The following TXNDC5 variants were observed in gnomAD, a reference collection of about 807,000 sequenced individuals.
TXNDC5 encodes thioredoxin domain-containing protein 5.
TXNDC5 carries 44 observed loss-of-function variants against 52.6 expected under a neutral mutation model. The ratio of observed to expected loss-of-function variants is 0.84; its 90% CI spans 0.66 to 1.08. The LOEUF is 1.08. Ranked by LOEUF, TXNDC5 falls within the 50% of genes least tolerant of loss-of-function variation. The probability of loss-of-function intolerance (pLI) is 0.00; values close to 1 mark genes in which losing one functional copy is unlikely to be tolerated. For synonymous variants in TXNDC5, 241 were observed against 234.4 expected, an observed-to-expected ratio of 1.03 and a Z score of -0.26; for missense variants, 600 against 565.5, an observed-to-expected ratio of 1.06 and a Z score of -0.62.
At position 7,881,621 on chromosome 6, in the gene TXNDC5, T is replaced by TG. The variant is rs1759742452; in HGVS notation, c.*1522dup. The TG allele has an allele frequency of 3.1e-5, 3 of 98,238 alleles. 1 individual carries two copies. In the South Asian group the frequency reaches 7.9e-4, roughly 26 times the overall value. 6.1% of individuals were successfully genotyped at this position (98,238 alleles called of 1,614,324 possible). A position where few individuals can be genotyped will look rare whatever the true frequency, so the allele number is the denominator to read the frequency against. ...AAGACTCGTGATGCAAAGCTGAAGT[T>TG]GTGTGTACAAGACTCTTGACAGTTG... is the stretch of plus-strand genomic sequence containing the variant. On this transcript the variant is annotated 3_prime_UTR_variant, in exon 10 of 10. Transcript: ENST00000379757.
chr6:7,884,061 T>C lies in TXNDC5; in HGVS notation c.1176+298A>G, dbSNP rs911080025. Among the ~76,000 whole-genome samples, 4 of 152,212 alleles carry C rather than the reference T, an allele frequency of 2.6e-5. No homozygotes were observed. The East Asian group carries it at 7.7e-4, about 29-fold the overall frequency. ...ACTGGTCAATCATCAAGAGTCGCGG[T>C]GTGGGAAGCCCCACAGTCTATGGCG... On this transcript the variant is annotated intron_variant, in intron 9 of 9. Coordinates refer to ENST00000379757, the MANE Select transcript of TXNDC5 (RefSeq NM_030810.5).
At chr6:7,898,825 G>A (rs1160331396) in intron 3 of TXNDC5, among the ~76,000 whole-genome samples, 1 of 152,068 alleles carries the variant, frequency 6.6e-6, no homozygotes, top group Non-Finnish European at 1.5e-5. Context: ...GGGAGGGGGA[G>A]GATTATAAAT....
chr6:7,904,591 C>A lies in TXNDC5; in HGVS notation c.396G>T (p.Gly132=). 6.2e-7 allele frequency: 1 copy of A among 1,614,206 alleles called. No homozygotes were observed. Among genetic ancestry groups the A allele is most frequent in the Non-Finnish European group, 8.5e-7 (1 of 1,180,028 alleles). ...CAACTTACGTGGGGTATCCTCGCAC[C>A]CCCTGGGCGGAGCACACGTCGGAGT... is the stretch of plus-strand genomic sequence containing the variant. ...TAHSDVCSAQ[G]VRGYPTLKLF... The change falls in exon 2 of 10, where the codon GGG becomes GGT. Residue 132 remains glycine (G), a synonymous_variant. Coordinates refer to ENST00000379757, the MANE Select transcript of TXNDC5 (RefSeq NM_030810.5).
rs1287878151 is a variant in TXNDC5, at chr6:7,882,929, CCAT to C, written c.*212_*214del. ...GCCACTGAAAATGTTTACACAGTGA[CCAT>C]GAGTTACACATTTACTTAGAGAAAC... On this transcript the variant is annotated 3_prime_UTR_variant, in exon 10 of 10. Transcript: ENST00000379757. 3.6e-6 allele frequency: 2 copies of C among 553,634 alleles called. No individual in the cohort carries two copies. The highest frequency in any genetic ancestry group is 6.2e-6 in the Non-Finnish European group (2 of 323,578). The allele number at this position is 553,634 out of a possible 1,614,324, so 34.3% of individuals were successfully genotyped here. A position where few individuals can be genotyped will look rare whatever the true frequency, so the allele number is the denominator to read the frequency against.
intron 1 of TXNDC5, among the ~76,000 whole-genome samples, chr6:7,905,666 G>A (rs1322635734): frequency 6.6e-6 from 1 of 152,156 alleles, no homozygotes; most frequent in Non-Finnish European, 1.5e-5. Flanking sequence ...TGTCTACAGT[G>A]CCATACTCGA....
chr6:7,905,725 A>G (rs1433510490), intron 1 of TXNDC5, among the ~76,000 whole-genome samples: 1 of 152,192 alleles, frequency 6.6e-6, no homozygotes, highest in Non-Finnish European at 1.5e-5. Context: ...TTCAACTACA[A>G]TCCCATAGCA....
chr6:7,899,535 G>A lies in TXNDC5; in HGVS notation c.519+41C>T, dbSNP rs564360466. 4.2e-5 allele frequency: 46 copies of A among 1,088,080 alleles called. 2 individuals are homozygous for A. In the South Asian group the frequency reaches 7.3e-4, roughly 17 times the overall value. The allele number at this position is 1,088,080 out of a possible 1,614,324, so 67.4% of individuals were successfully genotyped here. On this transcript the variant is annotated intron_variant, in intron 3 of 9. Coordinates refer to ENST00000379757, the MANE Select transcript of TXNDC5 (RefSeq NM_030810.5). Reference sequence around the variant, plus strand: ...CCCCAAAGATGTAGGCAGGGAGAGAGGGAGGGAGGGAGGGAGGGAGGGAAG... The same window carrying A: ...CCCCAAAGATGTAGGCAGGGAGAGAAGGAGGGAGGGAGGGAGGGAGGGAAG...
chr6:7,884,057 G>A lies in TXNDC5; in HGVS notation c.1176+302C>T, dbSNP rs935881577. 5.3e-5 allele frequency among the ~76,000 whole-genome samples: 8 copies of A among 152,318 alleles called. No individual in the cohort carries two copies. In the South Asian group the frequency reaches 6.2e-4, roughly 12 times the overall value. On this transcript the variant is annotated intron_variant, in intron 9 of 9. Transcript: ENST00000379757. ...GACCACTGGTCAATCATCAAGAGTCGCGGTGTGGGAAGCCCCACAGTCTAT... is the reference window on the plus strand; with the variant it reads ...GACCACTGGTCAATCATCAAGAGTCACGGTGTGGGAAGCCCCACAGTCTAT...
intron 3 of TXNDC5, among the ~76,000 whole-genome samples, chr6:7,896,841 C>G (rs1581320136): frequency 6.6e-6 from 1 of 152,336 alleles, no homozygotes; most frequent in South Asian, 2.1e-4. Context: ...GGGAACACCA[C>G]AGTGCATCCC....
chr6:7,900,903 T>C (rs558704869), intron 2 of TXNDC5, among the ~76,000 whole-genome samples: 4 of 152,196 alleles, frequency 2.6e-5, no homozygotes, highest in Admixed American at 6.5e-5. Context: ...ATTGCCAGCA[T>C]TGGGGATTAG....
intron 1 of TXNDC5, among the ~76,000 whole-genome samples, chr6:7,906,156 A>C (rs1760720878): frequency 1.3e-5 from 2 of 151,276 alleles, no homozygotes; most frequent in African/African-American, 4.9e-5. Flanking sequence ...CAGAGGGATC[A>C]CTTGAGGCCA....
intron 1 of TXNDC5, among the ~76,000 whole-genome samples, chr6:7,906,335 AG>A (rs1325512897): frequency 6.6e-6 from 1 of 152,116 alleles, no homozygotes; most frequent in Non-Finnish European, 1.5e-5. Context: ...CAGGAGTTCG[AG>A]ACCAGCCTGA....
In TXNDC5 at chr6:7,883,216, A is replaced by G; in HGVS notation, c.1227T>C (p.Ser409=). 6.2e-7 allele frequency: 1 copy of G among 1,614,112 alleles called. No individual in the cohort carries two copies. The highest frequency in any genetic ancestry group is 8.5e-7 in the Non-Finnish European group (1 of 1,180,008). ...CAAGGTCTCTGCCTCCACTGTGCTCACTGACTTTCTTCCCTCCTCGGAAAA... is the reference window on the plus strand; with the variant it reads ...CAAGGTCTCTGCCTCCACTGTGCTCGCTGACTTTCTTCCCTCCTCGGAAAA... ...LLLFRGGKKV[S]EHSGGRDLDS... is the part of the protein sequence containing the mutation. The change falls in exon 10 of 10, where the codon AGT becomes AGC. Residue 409 remains serine (S), a synonymous_variant. Coordinates refer to ENST00000379757, the MANE Select transcript of TXNDC5 (RefSeq NM_030810.5).
Position 7,881,659 on chromosome 6 carries a change from AG to A in TXNDC5, c.*1484del. ...CTCTTGACAGTTGTGCTTCTCTAGG[AG>A]GTTGGGTTTTTTTAAAAAAAGAATT... On this transcript the variant is annotated 3_prime_UTR_variant, in exon 10 of 10. Coordinates refer to ENST00000379757, the MANE Select transcript of TXNDC5 (RefSeq NM_030810.5). 6.6e-6 allele frequency: 1 copy of A among 152,044 alleles called. No individual in the cohort carries two copies. The allele number at this position is 152,044 out of a possible 1,614,324, so 9.4% of individuals were successfully genotyped here. A position where few individuals can be genotyped will look rare whatever the true frequency, so the allele number is the denominator to read the frequency against.
At chr6:7,907,841 G>A (rs546119548) in intron 1 of TXNDC5, among the ~76,000 whole-genome samples, 36 of 152,206 alleles carry the variant, frequency 2.4e-4, no homozygotes, top group African/African-American at 5.3e-4. Flanking sequence ...TTGACTCGCC[G>A]CCCACTCAGC....
At chr6:7,903,212 G>A (rs997101057) in intron 2 of TXNDC5, among the ~76,000 whole-genome samples, 2 of 152,170 alleles carry the variant, frequency 1.3e-5, no homozygotes, top group Non-Finnish European at 2.9e-5. Context: ...GCTTCTTTGG[G>A]ATGCTCTTGA....
At chr6:7,885,524 T>C (rs1018567346) in intron 8 of TXNDC5, among the ~76,000 whole-genome samples, 1 of 152,212 alleles carries the variant, frequency 6.6e-6, no homozygotes, top group Non-Finnish European at 1.5e-5. Context: ...CAGACTCTAC[T>C]GGATTTCTCT....
At chr6:7,887,292 T>A (rs1760016280) in intron 7 of TXNDC5, among the ~76,000 whole-genome samples, 3 of 152,078 alleles carry the variant, frequency 2.0e-5, no homozygotes, top group African/African-American at 7.2e-5. Context: ...ACACGGGCAC[T>A]CTCGTCCAGT....
At chr6:7,886,282 TG>T (rs1322519253) in intron 7 of TXNDC5, among the ~76,000 whole-genome samples, 1 of 152,024 alleles carries the variant, frequency 6.6e-6, no homozygotes, top group Non-Finnish European at 1.5e-5. Flanking sequence ...CTGGGAGATG[TG>T]GTGAGGAGGT....
Sources: gnomAD v4.1 joint callset for allele counts (sites outside exome capture counted in the v4.1 genomes callset) on GRCh38, gnomAD v4.1.1 for gene constraint, MANE v1.5 for transcripts, NCBI Gene and HGNC (gene_info 2026-07-23, HGNC 2026-07-21) for gene names.